TBC1D8: variants seen among roughly 807,000 people sequenced by gnomAD.
TBC1D8 encodes the protein TBC1 domain family member 8.
A neutral mutation model predicts 118.8 loss-of-function variants in TBC1D8; 65 were observed. That is an observed-to-expected ratio of 0.55 (90% CI 0.45 to 0.67). TBC1D8 has a LOEUF of 0.67. Ranked by LOEUF, TBC1D8 falls within the 30% of genes least tolerant of loss-of-function variation. The probability of loss-of-function intolerance (pLI) is 0.00; values close to 1 mark genes in which losing one functional copy is unlikely to be tolerated. For synonymous variants in TBC1D8, 566 were observed against 595.8 expected, an observed-to-expected ratio of 0.95 and a Z score of 0.73; for missense variants, 1,376 against 1,471.2, an observed-to-expected ratio of 0.94 and a Z score of 1.06.
intron 1 of TBC1D8, among the ~76,000 whole-genome samples, chr2:101,114,164 C>CA (rs954740334): frequency 3.3e-5 from 5 of 152,154 alleles, no homozygotes; most frequent in African/African-American, 1.2e-4. Flanking sequence ...CGACTGTTTC[C>CA]AACACCCTTT....
At chr2:101,049,226 G>A (rs2105410422) in intron 5 of TBC1D8, among the ~76,000 whole-genome samples, 1 of 152,136 alleles carries the variant, frequency 6.6e-6, no homozygotes, top group East Asian at 1.9e-4. Flanking sequence ...TAAAAACTTT[G>A]GATAATAAAG....
At chr2:101,150,827 C>G (rs528501849) in intron 1 of TBC1D8, among the ~76,000 whole-genome samples, 110 of 152,236 alleles carry the variant, frequency 7.2e-4, no homozygotes, top group African/African-American at 2.6e-3. Flanking sequence ...CCGCTCCACC[C>G]GGCGTTTCTC....
intron 1 of TBC1D8, among the ~76,000 whole-genome samples, chr2:101,134,189 TCTCTCTCTCACA>T (rs1343561746): frequency 5.2e-5 from 5 of 95,818 alleles, no homozygotes; most frequent in Middle Eastern, 4.1e-3. Flanking sequence ...TCTCTCTCTC[TCTCTCTCTCACA>T]CACACACACA....
rs1426910650 is a variant in TBC1D8 at position 101,022,410 on chromosome 2, G to A, written c.2632C>T (p.His878Tyr). The change falls in exon 16 of 20, where the codon CAC becomes TAC. Residue 878 changes from histidine to tyrosine, a missense_variant. His to Tyr is a moderately conservative substitution (Grantham distance 83). Transcript: ENST00000409318. The stretch of plus-strand genomic sequence containing the variant: ...CAGGGCGAGACTAGCTGAAACAGGT[G>A]TGCAAACTGCCGGGCATCTATGCGG... ...QYRIDARQFA[H>Y]LFQLVSPWTC... The A allele has an allele frequency of 6.2e-7, 1 of 1,613,144 alleles. No homozygotes were observed. The highest frequency in any genetic ancestry group is 1.3e-5 in the African/African-American group (1 of 75,022).
At chr2:101,146,153 C>T (rs1228783860) in intron 1 of TBC1D8, among the ~76,000 whole-genome samples, 3 of 152,090 alleles carry the variant, frequency 2.0e-5, no homozygotes, top group Non-Finnish European at 4.4e-5. Context: ...TCTAACCCTC[C>T]GAAGTAAGAT....
intron 3 of TBC1D8, among the ~76,000 whole-genome samples, chr2:101,057,791 T>A (rs1682524785): frequency 6.6e-6 from 1 of 152,146 alleles, no homozygotes; most frequent in African/African-American, 2.4e-5. Flanking sequence ...ACCACTGCAC[T>A]CCAGCCTGAG....
chr2:101,072,271 C>T (rs1009498713), intron 2 of TBC1D8, among the ~76,000 whole-genome samples: 1 of 152,060 alleles, frequency 6.6e-6, no homozygotes, highest in African/African-American at 2.4e-5. Context: ...AAACACTGCA[C>T]CAGCATCTGC....
At chr2:101,075,497 T>C (rs1674756054) in intron 2 of TBC1D8, among the ~76,000 whole-genome samples, 1 of 152,044 alleles carries the variant, frequency 6.6e-6, no homozygotes, top group African/African-American at 2.4e-5. Context: ...AATTCCCACG[T>C]GTCAAGGGAG....
intron 1 of TBC1D8, among the ~76,000 whole-genome samples, chr2:101,118,078 C>T (rs568134441): frequency 1.7e-4 from 26 of 152,020 alleles, no homozygotes; most frequent in Non-Finnish European, 3.5e-4. Flanking sequence ...CCATCATCAA[C>T]CATAAAGTCA....
chr2:101,143,770 C>CA (rs768239754), intron 1 of TBC1D8, among the ~76,000 whole-genome samples: 12 of 152,138 alleles, frequency 7.9e-5, no homozygotes, highest in Non-Finnish European at 1.6e-4. Flanking sequence ...CTATGTTGCC[C>CA]AGGCTGGTTT....
chr2:101,051,104 C>G (rs1469378443), intron 4 of TBC1D8, among the ~76,000 whole-genome samples: 1 of 152,206 alleles, frequency 6.6e-6, no homozygotes, highest in African/African-American at 2.4e-5. Context: ...TTTTTTATGG[C>G]TGCATAGTAT....
At chr2:101,141,996 T>C (rs1325369405) in intron 1 of TBC1D8, among the ~76,000 whole-genome samples, 2 of 152,180 alleles carry the variant, frequency 1.3e-5, no homozygotes, top group South Asian at 2.1e-4. Flanking sequence ...TAAGATACTA[T>C]GTAAATACCT....
chr2:101,121,557 A>C (rs2104234232), intron 1 of TBC1D8, among the ~76,000 whole-genome samples: 1 of 152,350 alleles, frequency 6.6e-6, no homozygotes, highest in African/African-American at 2.4e-5. Flanking sequence ...CGGTGAAAGG[A>C]GCGAGAGAGC....
At chr2:101,013,980 G>T (rs1679428645) in intron 17 of TBC1D8, among the ~76,000 whole-genome samples, 1 of 152,210 alleles carries the variant, frequency 6.6e-6, no homozygotes, top group Non-Finnish European at 1.5e-5. Context: ...TTCCAATACA[G>T]CCAAGTCATT....
At chr2:101,044,484 G>A (rs554276986) in intron 5 of TBC1D8, among the ~76,000 whole-genome samples, 1 of 152,182 alleles carries the variant, frequency 6.6e-6, no homozygotes, top group Non-Finnish European at 1.5e-5. Context: ...CAAAGCCACT[G>A]CTCACAGCCC....
chr2:101,023,235 C>G (rs1237897263), intron 15 of TBC1D8, among the ~76,000 whole-genome samples: 1 of 151,764 alleles, frequency 6.6e-6, no homozygotes, highest in Non-Finnish European at 1.5e-5. Context: ...ACCTCCGCCT[C>G]CAAGGTTCAA....
chr2:101,034,254 A>T lies in TBC1D8; in HGVS notation c.1604-496T>A, dbSNP rs115851822. 3.0e-3 allele frequency among the ~76,000 whole-genome samples: 459 copies of T among 152,362 alleles called. 5 individuals carry two copies. The highest frequency in any genetic ancestry group is 0.011 in the African/African-American group (442 of 41,584). ...TTATAGAGCGAAGGGGAGAAAACTC[A>T]TAATAGAAATAACTGTATTAATATG... On this transcript the variant is annotated intron_variant, in intron 9 of 19. Coordinates refer to ENST00000409318, the MANE Select transcript of TBC1D8 (RefSeq NM_001330348.2).
In TBC1D8 at chr2:101,011,537, A is replaced by G; in HGVS notation, c.2831T>C (p.Leu944Pro). ...CTGGCTGTCTCGGTCATTTTCAGTG[A>G]GTGCTTAAAAAAAGATGAGAGGTTT... Reference protein sequence around the residue: ...LLYRLHIPPALTENDRDSQSP... With the variant: ...LLYRLHIPPAPTENDRDSQSP... Residue 944 changes from leucine to proline, a missense_variant, in exon 18 of 20, where the codon CTC (leucine) becomes CCC (proline). Transcript: ENST00000409318. The G allele has an allele frequency of 6.2e-7, 1 of 1,613,920 alleles. No homozygotes were observed. The highest frequency in any genetic ancestry group is 8.5e-7 in the Non-Finnish European group (1 of 1,179,844).
chr2:101,066,773 CG>C (rs1683036885), intron 2 of TBC1D8, among the ~76,000 whole-genome samples: 1 of 151,878 alleles, frequency 6.6e-6, no homozygotes, highest in Non-Finnish European at 1.5e-5. Flanking sequence ...GGCGAAACCC[CG>C]TCTCTATTAA....
Sources: allele counts gnomAD v4.1 joint callset (sites outside exome capture counted in the v4.1 genomes callset), GRCh38; gene constraint gnomAD v4.1.1; transcripts MANE v1.5; gene names NCBI Gene and HGNC (gene_info 2026-07-23, HGNC 2026-07-21).